The following CBX1 variants were observed in gnomAD, a reference collection of about 807,000 sequenced individuals.
CBX1 encodes chromobox protein homolog 1.
Under a neutral mutation model 25.1 loss-of-function variants are expected in CBX1, and 10 were observed. That is an observed-to-expected ratio of 0.40 (90% confidence interval 0.25 to 0.68). The LOEUF is 0.68. Among genes scored for constraint, CBX1 ranks in the 30% least tolerant of loss-of-function variants. CBX1 has a pLI of 0.40. For synonymous variants in CBX1, 63 were observed against 79.4 expected, an observed-to-expected ratio of 0.79 and a Z score of 1.10; for missense variants, 106 against 218.5, an observed-to-expected ratio of 0.49 and a Z score of 3.25.
chr17:48,080,369 C>T (rs1434293759), intron 1 of CBX1, among the ~76,000 whole-genome samples: 4 of 151,994 alleles, frequency 2.6e-5, no homozygotes, highest in Admixed American at 2.6e-4. Context: ...GACTTAAAGC[C>T]TTATGATTAC....
At chr17:48,090,856 G>A (rs1363344804) in intron 1 of CBX1, among the ~76,000 whole-genome samples, 1 of 152,202 alleles carries the variant, frequency 6.6e-6, no homozygotes, top group Non-Finnish European at 1.5e-5. Flanking sequence ...TACGTGTAAG[G>A]TGCTGGAAAA....
At chr17:48,085,161 AAAT>A (rs1295208298) in intron 1 of CBX1, among the ~76,000 whole-genome samples, 3 of 152,212 alleles carry the variant, frequency 2.0e-5, no homozygotes, top group Non-Finnish European at 2.9e-5. Context: ...ATTCCTAGAA[AAAT>A]AATACTTTAC....
At chr17:48,081,341 C>T (rs541111458) in intron 1 of CBX1, among the ~76,000 whole-genome samples, 61 of 152,088 alleles carry the variant, frequency 4.0e-4, no homozygotes, top group Admixed American at 8.5e-4. Flanking sequence ...TTAGCATGGC[C>T]TCAGAGAGGA....
chr17:48,074,905 A>G (rs2037659774), intron 4 of CBX1, 101 bp downstream of exon 4: 3 of 858,262 alleles, frequency 3.5e-6, no homozygotes, highest in South Asian at 2.7e-5. Context: ...ACAATTTCAC[A>G]CTTGGGTGAT....
chr17:48,097,287 C>T (rs1276333043), intron 1 of CBX1, among the ~76,000 whole-genome samples: 1 of 150,898 alleles, frequency 6.6e-6, no homozygotes, highest in Non-Finnish European at 1.5e-5. Flanking sequence ...CCACATTGTA[C>T]CCCATAAGGA....
intron 1 of CBX1, chr17:48,095,876 A>G (rs1270528261): frequency 6.6e-6 from 1 of 152,196 alleles, no homozygotes; most frequent in African/African-American, 2.4e-5. Context: ...ACACACAGTT[A>G]GCAGGAGTTT....
intron 1 of CBX1, among the ~76,000 whole-genome samples, chr17:48,090,763 C>T (rs148707691): frequency 2.0e-5 from 3 of 152,222 alleles, no homozygotes; most frequent in African/African-American, 7.2e-5. Flanking sequence ...AATTCCTTCC[C>T]TAGAGCCCCA....
At position 48,096,774 on chromosome 17, in the gene CBX1, C is replaced by G. The variant is rs2063377638; in HGVS notation, c.-38+4494G>C. Among the ~76,000 whole-genome samples, 3 of 150,330 alleles carry G rather than the reference C, an allele frequency of 2.0e-5. No individual in the cohort carries two copies. In the South Asian group the frequency reaches 6.4e-4, roughly 32 times the overall value. On this transcript the variant is annotated intron_variant, in intron 1 of 4. Transcript: ENST00000225603. Reference sequence around the variant, plus strand: ...GCCTGGGTGACAGAGCAAGACTTGTCTAAAAAAAGAAAAGAAAAACAAAAA... The same window carrying G: ...GCCTGGGTGACAGAGCAAGACTTGTGTAAAAAAAGAAAAGAAAAACAAAAA...
chr17:48,089,823 CTAAA>C (rs1171263970), intron 1 of CBX1, among the ~76,000 whole-genome samples: 3 of 151,330 alleles, frequency 2.0e-5, no homozygotes, highest in East Asian at 2.0e-4. Flanking sequence ...AACTCTGTCT[CTAAA>C]TAAATAAATA....
At chr17:48,097,661 CA>C (rs1467832526) in intron 1 of CBX1, among the ~76,000 whole-genome samples, 24 of 151,800 alleles carry the variant, frequency 1.6e-4, no homozygotes, top group Admixed American at 1.6e-3. Flanking sequence ...GTTACGCACT[CA>C]AAGTGTCAAC....
At chr17:48,100,068 G>C (rs1330739529) in intron 1 of CBX1, among the ~76,000 whole-genome samples, 5 of 145,896 alleles carry the variant, frequency 3.4e-5, no homozygotes, top group Non-Finnish European at 7.4e-5. Flanking sequence ...GAATCCGGGA[G>C]GTGGAGGTTG....
intron 1 of CBX1, among the ~76,000 whole-genome samples, chr17:48,083,585 G>A (rs2037758481): frequency 6.6e-6 from 1 of 150,446 alleles, no homozygotes; most frequent in South Asian, 2.1e-4. Flanking sequence ...TAATTTGGGA[G>A]GCCGAGGTGA....
chr17:48,075,131 AT>A, intron 3 of CBX1, 31 bp from the exon 4 acceptor site: 1 of 1,376,062 alleles, frequency 7.3e-7, no homozygotes, highest in Non-Finnish European at 1.0e-6. Flanking sequence ...GAACAATTTT[AT>A]CTATATGGGA....
intron 1 of CBX1, among the ~76,000 whole-genome samples, chr17:48,078,459 T>A (rs2037698747): frequency 6.6e-6 from 1 of 152,112 alleles, no homozygotes; most frequent in African/African-American, 2.4e-5. Context: ...CCCAAAGTGC[T>A]GGGATTACAG....
At chr17:48,094,498 C>T (rs759644229) in intron 1 of CBX1, among the ~76,000 whole-genome samples, 3 of 151,066 alleles carry the variant, frequency 2.0e-5, no homozygotes, top group Admixed American at 6.6e-5. Flanking sequence ...TTTGGGAGGC[C>T]GAGGTGGGTG....
intron 4 of CBX1, among the ~76,000 whole-genome samples, chr17:48,073,848 C>CAGTAGTG (rs1189913452): frequency 1.0e-5 from 1 of 96,566 alleles, no homozygotes; most frequent in Non-Finnish European, 2.1e-5. Flanking sequence ...AAAAAAAAGA[C>CAGTAGTG]AGTAGTGAGT....
chr17:48,100,337 C>A (rs1240619697), intron 1 of CBX1, among the ~76,000 whole-genome samples: 1 of 152,072 alleles, frequency 6.6e-6, no homozygotes, highest in Non-Finnish European at 1.5e-5. Flanking sequence ...CAACTATTAA[C>A]TCATCTACAT....
chr17:48,078,691 C>T (rs917337432), intron 1 of CBX1, among the ~76,000 whole-genome samples: 1 of 150,672 alleles, frequency 6.6e-6, no homozygotes, highest in Admixed American at 6.6e-5. Flanking sequence ...GGTTTAACCA[C>T]GTTGGCCAGG....
intron 1 of CBX1, among the ~76,000 whole-genome samples, chr17:48,081,480 C>A (rs2037737538): frequency 6.6e-6 from 1 of 152,156 alleles, no homozygotes; most frequent in South Asian, 2.1e-4. Flanking sequence ...CTCTTGTCGC[C>A]CAGGCTGGAG....
Sources: allele counts gnomAD v4.1 joint callset (sites outside exome capture counted in the v4.1 genomes callset), GRCh38; gene constraint gnomAD v4.1.1; transcripts MANE v1.5; gene names NCBI Gene and HGNC (gene_info 2026-07-23, HGNC 2026-07-21).